The following C4BPA variants were observed in gnomAD, a reference collection of about 807,000 sequenced individuals.
C4BPA encodes the protein C4b-binding protein alpha chain.
C4BPA carries 31 observed loss-of-function variants against 63.7 expected under a neutral mutation model. The ratio of observed to expected loss-of-function variants is 0.49; its 90% CI spans 0.37 to 0.66. The LOEUF is 0.66. C4BPA is among the 30% of genes least tolerant of loss of function. The pLI is 0.00. For synonymous variants in C4BPA, 259 were observed against 254.7 expected (o/e 1.02, Z -0.16); for missense variants, 572 against 723.3 (o/e 0.79, Z 2.40).
chr1:207,112,900 C>A, intron 1 of C4BPA, 101 bp from the exon 2 acceptor site: 1 of 1,117,866 alleles, frequency 8.9e-7, no homozygotes, highest in Non-Finnish European at 1.2e-6. Flanking sequence ...CCACTCCAGG[C>A]TGTCATTTCC....
intron 10 of C4BPA, among the ~76,000 whole-genome samples, chr1:207,143,191 T>C (rs1303366920): frequency 6.6e-6 from 1 of 152,098 alleles, no homozygotes; most frequent in Non-Finnish European, 1.5e-5. Context: ...TTCAGGGACA[T>C]GGATGAAGCT....
At chr1:207,135,118 C>T (rs1303689743) in intron 9 of C4BPA, among the ~76,000 whole-genome samples, 1 of 152,156 alleles carries the variant, frequency 6.6e-6, no homozygotes, top group Non-Finnish European at 1.5e-5. Context: ...GGGGAGATCA[C>T]CTGAGGTCAG....
In C4BPA at chr1:207,141,180, A is replaced by G; in HGVS notation, c.1348A>G (p.Ile450Val). The change falls in exon 10 of 12, where the codon ATT becomes GTT. Residue 450 changes from isoleucine to valine, a missense_variant. This residue lies in a region of C4BPA where 465 missense variants were observed against 629.4 expected (regional missense o/e 0.74). Coordinates refer to ENST00000367070, the MANE Select transcript of C4BPA (RefSeq NM_000715.4). ...TTCATACAGCTTTTTCAAAGAAGAGATTATATATGAATGTGATAAAGGCTA... is the reference window on the plus strand; with the variant it reads ...TTCATACAGCTTTTTCAAAGAAGAGGTTATATATGAATGTGATAAAGGCTA... ...SSSYSFFKEEIIYECDKGYIL... is the reference protein window; with the variant it reads ...SSSYSFFKEEVIYECDKGYIL... 2 of 1,613,618 alleles carry G rather than the reference A, an allele frequency of 1.2e-6. No individual in the cohort carries two copies. The highest frequency in any genetic ancestry group is 1.7e-6 in the Non-Finnish European group (2 of 1,179,662).
intron 3 of C4BPA, 56 bp downstream of exon 3, chr1:207,114,341 T>A: frequency 7.3e-7 from 1 of 1,368,306 alleles, no homozygotes. Context: ...GAAAGTTGTC[T>A]CAGAAACTAA....
chr1:207,131,426 G>A (rs1426051619), intron 7 of C4BPA, 120 bp from the exon 8 acceptor site: 1 of 658,996 alleles, frequency 1.5e-6, no homozygotes, highest in Non-Finnish European at 2.6e-6. Context: ...ATCAGGCCTT[G>A]CAGGCTGGTT....
intron 9 of C4BPA, among the ~76,000 whole-genome samples, chr1:207,138,281 C>A (rs1003086721): frequency 9.9e-5 from 15 of 152,142 alleles, no homozygotes; most frequent in Admixed American, 7.9e-4. Flanking sequence ...GCCTGTGCCA[C>A]CTTTTACTGC....
intron 4 of C4BPA, among the ~76,000 whole-genome samples, chr1:207,121,223 TATAAA>T (rs1684915971): frequency 6.6e-6 from 1 of 152,170 alleles, no homozygotes; most frequent in African/African-American, 2.4e-5. Context: ...TTTTAACCAT[TATAAA>T]ATAATTTAAT....
intron 8 of C4BPA, among the ~76,000 whole-genome samples, chr1:207,133,214 T>C (rs2102353145): frequency 6.6e-6 from 1 of 152,360 alleles, no homozygotes; most frequent in East Asian, 1.9e-4. Flanking sequence ...TAAATATTAT[T>C]GTTGTTTTAA....
chr1:207,131,745 GT>G lies in C4BPA; in HGVS notation c.1084+10del. 6.3e-7 allele frequency: 1 copy of G among 1,597,866 alleles called. No homozygotes were observed. Among genetic ancestry groups the G allele is most frequent in the Non-Finnish European group, 8.5e-7 (1 of 1,171,730 alleles). The stretch of plus-strand genomic sequence containing the variant: ...CCCCATACCAAGGATGTGAGGGTGA[GT>G]TTTTGTTTTTTAATATTTTTGTATA... On this transcript the variant is annotated splice_donor_region_variant and intron_variant, in intron 8 of 11. Coordinates refer to ENST00000367070, the MANE Select transcript of C4BPA (RefSeq NM_000715.4).
intron 7 of C4BPA, among the ~76,000 whole-genome samples, chr1:207,127,698 A>G (rs886839243): frequency 1.3e-5 from 2 of 152,202 alleles, no homozygotes; most frequent in Non-Finnish European, 2.9e-5. Context: ...AAAACCATTC[A>G]AAGTCTCTGG....
chr1:207,112,557 T>A (rs952258986), intron 1 of C4BPA, among the ~76,000 whole-genome samples: 1 of 152,168 alleles, frequency 6.6e-6, no homozygotes, highest in South Asian at 2.1e-4. Context: ...AACATTCACA[T>A]CAAAAACAAG....
intron 7 of C4BPA, 94 bp from the exon 8 acceptor site, chr1:207,131,452 G>A (rs1252206609): frequency 8.5e-6 from 7 of 822,706 alleles, no homozygotes; most frequent in African/African-American, 5.2e-5. Context: ...CTGAATGAAC[G>A]TATGACCCCC....
At chr1:207,121,895 G>A (rs1467830751) in intron 4 of C4BPA, among the ~76,000 whole-genome samples, 1 of 151,800 alleles carries the variant, frequency 6.6e-6, no homozygotes, top group Non-Finnish European at 1.5e-5. Flanking sequence ...TTATCTTAGT[G>A]TTTATTTTGT....
In C4BPA at chr1:207,126,815, G is replaced by A. The variant is rs573344831; in HGVS notation, c.809G>A (p.Gly270Asp). ...KDTIVFKCQK[G>D]FVLRGSSVIH... Reference sequence around the variant, plus strand: ...ACTATTGTGTTTAAGTGCCAAAAAGGTTTTGTTCTCAGAGGCAGCAGTGTA... The same window carrying A: ...ACTATTGTGTTTAAGTGCCAAAAAGATTTTGTTCTCAGAGGCAGCAGTGTA... The change falls in exon 7 of 12, where the codon GGT (glycine) becomes GAT (aspartate). Residue 270 changes from glycine (G) to aspartate (D), a missense_variant. Transcript: ENST00000367070. 2.0e-5 allele frequency: 32 copies of A among 1,613,330 alleles called. No individual in the cohort carries two copies. The South Asian group carries it at 3.2e-4, about 16-fold the overall frequency.
intron 4 of C4BPA, among the ~76,000 whole-genome samples, chr1:207,118,213 G>GTCTACCTA: frequency 7.3e-6 from 1 of 137,488 alleles, no homozygotes; most frequent in East Asian, 2.0e-4. Flanking sequence ...TCTATCATCT[G>GTCTACCTA]TCTATCTATC....
intron 7 of C4BPA, among the ~76,000 whole-genome samples, chr1:207,130,576 G>A (rs1018613645): frequency 2.6e-5 from 4 of 152,040 alleles, no homozygotes; most frequent in Non-Finnish European, 5.9e-5. Flanking sequence ...TAAACAAAAA[G>A]TGGTTTATCC....
chr1:207,105,131 C>T (rs917072668), intron 1 of C4BPA, among the ~76,000 whole-genome samples: 6 of 152,158 alleles, frequency 3.9e-5, no homozygotes, highest in Non-Finnish European at 7.3e-5. Context: ...CCTATTCTAT[C>T]TCTAAATATG....
intron 9 of C4BPA, among the ~76,000 whole-genome samples, chr1:207,137,411 T>A (rs750754781): frequency 3.9e-5 from 6 of 152,172 alleles, no homozygotes; most frequent in Admixed American, 2.6e-4. Flanking sequence ...TAGGGAGACA[T>A]AATACATGTA....
intron 6 of C4BPA, among the ~76,000 whole-genome samples, chr1:207,126,105 T>G (rs1685036701): frequency 6.6e-6 from 1 of 151,976 alleles, no homozygotes; most frequent in Non-Finnish European, 1.5e-5. Context: ...TGGAAATATG[T>G]TTCTGCTGGG....
Sources: allele counts gnomAD v4.1 joint callset (sites outside exome capture counted in the v4.1 genomes callset), GRCh38; gene constraint gnomAD v4.1.1; regional missense constraint gnomAD v4.1.1; transcripts MANE v1.5; gene names NCBI Gene and HGNC (gene_info 2026-07-23, HGNC 2026-07-21).